EML1: variants seen among roughly 807,000 people sequenced by gnomAD.
EML1 encodes EMAP like 1.
In EML1, 27 loss-of-function variants were observed where a neutral mutation model predicts 110.4. The ratio of observed to expected loss-of-function variants is 0.24; its 90% confidence interval spans 0.18 to 0.34. EML1 has a LOEUF of 0.34. EML1 is among the 10% of genes least tolerant of loss of function. EML1 has a pLI of 1.00. For synonymous variants in EML1, 344 were observed against 385.8 expected, an observed-to-expected ratio of 0.89 and a Z score of 1.27; for missense variants, 741 against 1,030.9, an observed-to-expected ratio of 0.72 and a Z score of 3.85.
At chr14:99,758,664 T>G (rs748953338) in intron 1 of EML1, among the ~76,000 whole-genome samples, 3 of 152,180 alleles carry the variant, frequency 2.0e-5, no homozygotes, top group Admixed American at 2.0e-4. Context: ...AAACTGGCCT[T>G]GGAAGGCAAT....
chr14:99,776,694 C>T (rs1015356623), intron 1 of EML1, among the ~76,000 whole-genome samples: 3 of 152,178 alleles, frequency 2.0e-5, no homozygotes, highest in Admixed American at 2.0e-4. Context: ...AATTTGTCAT[C>T]ACGAGTAATA....
intron 1 of EML1, among the ~76,000 whole-genome samples, chr14:99,824,197 C>T (rs561292379): frequency 4.6e-4 from 70 of 152,166 alleles, no homozygotes; most frequent in Non-Finnish European, 8.5e-4. Context: ...TGACCTCAGG[C>T]GATCCACCCG....
intron 3 of EML1, among the ~76,000 whole-genome samples, chr14:99,869,855 A>C (rs1391527728): frequency 6.6e-6 from 1 of 152,182 alleles, no homozygotes; most frequent in African/African-American, 2.4e-5. Flanking sequence ...TTGCCAAAGG[A>C]CGTGCCTGCT....
At chr14:99,895,980 G>A (rs1179172738) in intron 6 of EML1, among the ~76,000 whole-genome samples, 2 of 152,194 alleles carry the variant, frequency 1.3e-5, no homozygotes, top group Admixed American at 1.3e-4. Context: ...TGAAACAGAG[G>A]TGCTGGTAGC....
chr14:99,791,442 G>C (rs2057670177), upstream of EML1, among the ~76,000 whole-genome samples: 1 of 152,178 alleles, frequency 6.6e-6, no homozygotes, highest in South Asian at 2.1e-4. Context: ...CTTTGTCAAG[G>C]CTGTACCCCA....
intron 10 of EML1, 29 bp downstream of exon 10, chr14:99,907,762 A>G (rs1360722153): frequency 6.2e-7 from 1 of 1,611,150 alleles, no homozygotes. Context: ...TTTGGGCTGC[A>G]TTAACATTTT....
Position 99,827,016 on chromosome 14 carries a change from TACTAAGTGCTGAATAAATAC to T in EML1, c.68-23835_68-23816del, listed in dbSNP as rs553527775. Among the ~76,000 whole-genome samples, 3,996 of 152,268 alleles carry T rather than the reference TACTAAGTGCTGAATAAATAC, an allele frequency of 0.026. 83 individuals carry two copies. Among genetic ancestry groups the T allele is most frequent in the Non-Finnish European group, 0.041 (2,782 of 68,016 alleles). On this transcript the variant is annotated intron_variant, in intron 1 of 21. Coordinates refer to ENST00000262233, the MANE Select transcript of EML1 (RefSeq NM_004434.3). This position sits in a 1 kb window ranked among gnomAD's most constrained non-coding sequence, Gnocchi z 4.4. Reference sequence around the variant, plus strand: ...CATTCAGCGCCAGATTTTGTACACGTACTAAGTGCTGAATAAATACAGCAGTGCTGCAGGCAGTCCCAGGG... The same window carrying T: ...CATTCAGCGCCAGATTTTGTACACGTAGCAGTGCTGCAGGCAGTCCCAGGG...
rs548699650 is a variant in EML1 at position 99,880,143 on chromosome 14, C to T, written c.518+1524C>T. On this transcript the variant is annotated intron_variant, in intron 4 of 21. Transcript: ENST00000262233. ...ACTAATTCAGGCAACTAAACATGTC[C>T]ATTTAAAAATAAATTCTTTGTCTTG... Among the ~76,000 whole-genome samples, 7 of 152,252 alleles carry T rather than the reference C, an allele frequency of 4.6e-5. No homozygotes were observed. In the South Asian group the frequency reaches 6.2e-4, roughly 14 times the overall value.
chr14:99,813,149 G>A (rs934148377), intron 1 of EML1, among the ~76,000 whole-genome samples: 1 of 152,096 alleles, frequency 6.6e-6, no homozygotes, highest in Non-Finnish European at 1.5e-5. Flanking sequence ...GGGTATGGCT[G>A]AACCAGTTTT....
intron 1 of EML1, among the ~76,000 whole-genome samples, chr14:99,839,986 C>T (rs1422738286): frequency 6.6e-6 from 1 of 152,078 alleles, no homozygotes; most frequent in Non-Finnish European, 1.5e-5. Flanking sequence ...TCCAGGCCCG[C>T]AAGTGGCAGA....
intron 1 of EML1, among the ~76,000 whole-genome samples, chr14:99,797,577 A>C (rs1377848111): frequency 2.6e-5 from 4 of 152,238 alleles, no homozygotes; most frequent in Non-Finnish European, 5.9e-5. Flanking sequence ...TTTTTGATAA[A>C]AGAATAAGTA....
intron 4 of EML1, among the ~76,000 whole-genome samples, chr14:99,885,032 A>G (rs992589029): frequency 1.3e-5 from 2 of 152,162 alleles, no homozygotes; most frequent in Non-Finnish European, 2.9e-5. Flanking sequence ...TCCCTTCACC[A>G]TGCTGCACAC....
intron 4 of EML1, among the ~76,000 whole-genome samples, chr14:99,883,949 A>G (rs1005473773): frequency 3.3e-5 from 5 of 152,240 alleles, no homozygotes; most frequent in Non-Finnish European, 5.9e-5. Flanking sequence ...CCTGATCACT[A>G]TAACAAAAGA....
intron 1 of EML1, among the ~76,000 whole-genome samples, chr14:99,835,506 G>C (rs2058525350): frequency 6.6e-6 from 1 of 151,856 alleles, no homozygotes; most frequent in East Asian, 1.9e-4. Flanking sequence ...GCATACTTTG[G>C]GTTCCTGAAG....
intron 3 of EML1, among the ~76,000 whole-genome samples, chr14:99,871,959 G>C (rs1399505411): frequency 6.6e-6 from 1 of 152,150 alleles, no homozygotes; most frequent in African/African-American, 2.4e-5. Context: ...CATTGTGCTC[G>C]GCTGCTTCCC....
At chr14:99,924,652 A>G (rs1228320737) in intron 17 of EML1, among the ~76,000 whole-genome samples, 1 of 152,224 alleles carries the variant, frequency 6.6e-6, no homozygotes, top group Non-Finnish European at 1.5e-5. Flanking sequence ...TTATATTAAT[A>G]TCACTACATT....
chr14:99,850,805 G>T, intron 1 of EML1, 48 bp from the exon 2 acceptor site: 1 of 1,591,272 alleles, frequency 6.3e-7, no homozygotes, highest in South Asian at 1.1e-5. Flanking sequence ...TTATAGATCT[G>T]ATTTCCGGGG....
intron 1 of EML1, among the ~76,000 whole-genome samples, chr14:99,812,872 T>G (rs2058105144): frequency 6.6e-6 from 1 of 152,200 alleles, no homozygotes; most frequent in South Asian, 2.1e-4. Context: ...AGTAAACAGA[T>G]AAAGTGTTTC....
chr14:99,760,113 A>AT (rs2057299422), intron 1 of EML1, among the ~76,000 whole-genome samples: 2 of 134,616 alleles, frequency 1.5e-5, no homozygotes, highest in African/African-American at 2.8e-5. Flanking sequence ...AAAAAAAAAA[A>AT]GAGCTATGAG....
Sources: gnomAD v4.1 joint callset for allele counts (sites outside exome capture counted in the v4.1 genomes callset) on GRCh38, gnomAD v4.1.1 for gene constraint, Gnocchi (gnomAD v3.1) non-coding constraint, MANE v1.5 for transcripts, NCBI Gene and HGNC (gene_info 2026-07-23, HGNC 2026-07-21) for gene names.